The following FOXP1 variants were observed in gnomAD, a reference collection of about 807,000 sequenced individuals.
FOXP1 encodes forkhead box P1.
In FOXP1, 15 loss-of-function variants were observed where a neutral mutation model predicts 98.2. That is an observed-to-expected ratio of 0.15 (90% confidence interval 0.10 to 0.24). The LOEUF is 0.24. Ranked by LOEUF, FOXP1 falls within the 10% of genes least tolerant of loss-of-function variation. FOXP1 has a pLI of 1.00. For missense variants in FOXP1, 633 were observed against 848.5 expected, an observed-to-expected ratio of 0.75 and a Z score of 3.15; for synonymous variants, 371 against 314.5, an observed-to-expected ratio of 1.18 and a Z score of -1.90.
At chr3:71,348,548 T>TGC (rs1553853162) in intron 4 of FOXP1, among the ~76,000 whole-genome samples, 78 of 132,126 alleles carry the variant, frequency 5.9e-4, no homozygotes, top group African/African-American at 1.2e-3. Context: ...TGTGTGTGTG[T>TGC]GCGTGCGCGC....
At chr3:71,280,441 T>C (rs2704805) in intron 5 of FOXP1, among the ~76,000 whole-genome samples, 110,162 of 151,418 alleles carry the variant, frequency 0.73, 40,947 homozygotes, top group East Asian at 0.93. Context: ...CTGCCTCAGC[T>C]TCTTGAATAG....
At chr3:71,042,564 G>A (rs2048493205) in intron 10 of FOXP1, among the ~76,000 whole-genome samples, 1 of 152,106 alleles carries the variant, frequency 6.6e-6, no homozygotes, top group Non-Finnish European at 1.5e-5. Context: ...ACACCGAAAA[G>A]AAAACATAAA....
At chr3:71,016,181 G>A (rs1464789808) in intron 11 of FOXP1, among the ~76,000 whole-genome samples, 1 of 152,040 alleles carries the variant, frequency 6.6e-6, no homozygotes, top group Non-Finnish European at 1.5e-5. Flanking sequence ...GAAGACAAAT[G>A]TATCCAAGCA....
At chr3:71,321,121 C>CAA (rs11293559) in intron 4 of FOXP1, among the ~76,000 whole-genome samples, 144 of 121,946 alleles carry the variant, frequency 1.2e-3, no homozygotes, top group Middle Eastern at 8.9e-3. Context: ...TAGACTGTAC[C>CAA]AAAAAAAAAA....
At chr3:71,048,012 T>C (rs2049272242) in intron 9 of FOXP1, among the ~76,000 whole-genome samples, 2 of 152,126 alleles carry the variant, frequency 1.3e-5, no homozygotes, top group Non-Finnish European at 1.5e-5. Context: ...TACAGTGCAG[T>C]AGTACAATAA....
intron 4 of FOXP1, among the ~76,000 whole-genome samples, chr3:71,319,963 T>C (rs971228391): frequency 6.6e-6 from 1 of 152,038 alleles, no homozygotes; most frequent in Non-Finnish European, 1.5e-5. Context: ...CCATTCTCTT[T>C]CCTTCACCCT....
chr3:71,517,326 T>C (rs1419403208), intron 2 of FOXP1, among the ~76,000 whole-genome samples: 1 of 152,222 alleles, frequency 6.6e-6, no homozygotes, highest in Non-Finnish European at 1.5e-5. Context: ...GGAAATGCTG[T>C]CTAGTCATGT....
At chr3:71,331,846 G>T (rs897056151) in intron 4 of FOXP1, among the ~76,000 whole-genome samples, 1 of 151,850 alleles carries the variant, frequency 6.6e-6, no homozygotes, top group Admixed American at 6.6e-5. Flanking sequence ...CTAGCTCAGG[G>T]TTTGTAAATA....
At chr3:71,532,372 C>T (rs2043926219) in intron 2 of FOXP1, among the ~76,000 whole-genome samples, 1 of 152,176 alleles carries the variant, frequency 6.6e-6, no homozygotes, top group Non-Finnish European at 1.5e-5. Flanking sequence ...GCTGAGATTA[C>T]AGGCATGAGC....
intron 6 of FOXP1, among the ~76,000 whole-genome samples, chr3:71,190,138 C>T (rs2062876075): frequency 6.6e-6 from 1 of 152,176 alleles, no homozygotes; most frequent in African/African-American, 2.4e-5. Context: ...TAGAACCCTC[C>T]CATAAGCCGA....
At chr3:71,292,240 T>C (rs984242931) in intron 5 of FOXP1, among the ~76,000 whole-genome samples, 3 of 152,116 alleles carry the variant, frequency 2.0e-5, no homozygotes, top group Non-Finnish European at 4.4e-5. Flanking sequence ...AGAGTGAGCA[T>C]GTAAGCTACC....
At chr3:71,042,649 A>C (rs757804151) in intron 10 of FOXP1, among the ~76,000 whole-genome samples, 11 of 152,204 alleles carry the variant, frequency 7.2e-5, no homozygotes, top group Non-Finnish European at 1.3e-4. Flanking sequence ...ATCAAGTGTA[A>C]CACAGCCATC....
At chr3:71,201,084 T>C (rs2063644231) in intron 5 of FOXP1, among the ~76,000 whole-genome samples, 1 of 152,236 alleles carries the variant, frequency 6.6e-6, no homozygotes, top group Non-Finnish European at 1.5e-5. Context: ...TTTCTATTAT[T>C]ATTTTTTCAT....
intron 15 of FOXP1, 48 bp from the exon 16 acceptor site, chr3:70,977,770 C>G (rs779729860): frequency 7.5e-6 from 12 of 1,610,354 alleles, no homozygotes; most frequent in Non-Finnish European, 1.0e-5. Flanking sequence ...TCAAAAGGGG[C>G]TGGTCTACAA....
intron 6 of FOXP1, among the ~76,000 whole-genome samples, chr3:71,156,299 T>C (rs1430823843): frequency 6.6e-6 from 1 of 152,182 alleles, no homozygotes; most frequent in Non-Finnish European, 1.5e-5. Flanking sequence ...CCTTCTTCCC[T>C]GTATCACTTT....
At chr3:71,175,811 G>A (rs993133224) in intron 6 of FOXP1, among the ~76,000 whole-genome samples, 15 of 152,122 alleles carry the variant, frequency 9.9e-5, no homozygotes, top group East Asian at 5.8e-4. Context: ...ATCATACCTC[G>A]TTTGTGAGTA....
intron 3 of FOXP1, among the ~76,000 whole-genome samples, chr3:71,379,079 C>A (rs1252581880): frequency 2.0e-5 from 3 of 151,912 alleles, no homozygotes; most frequent in Non-Finnish European, 4.4e-5. Flanking sequence ...GTCCTTCTTC[C>A]CTCTGCCCTC....
chr3:71,031,562 T>C (rs185540069), intron 11 of FOXP1, among the ~76,000 whole-genome samples: 14 of 152,334 alleles, frequency 9.2e-5, no homozygotes, highest in Admixed American at 9.2e-4. Context: ...CTTGATTCTT[T>C]GCACTTCTCA....
At chr3:71,478,363 T>G (rs985054691) in intron 3 of FOXP1, among the ~76,000 whole-genome samples, 1 of 152,130 alleles carries the variant, frequency 6.6e-6, no homozygotes, top group African/African-American at 2.4e-5. Context: ...CTGCTACATG[T>G]GAAGAATATG....
Sources: gnomAD v4.1 joint callset for allele counts (sites outside exome capture counted in the v4.1 genomes callset) on GRCh38, gnomAD v4.1.1 for gene constraint, MANE v1.5 for transcripts, NCBI Gene and HGNC (gene_info 2026-07-23, HGNC 2026-07-21) for gene names.